The following SKI variants were observed in gnomAD, a reference collection of about 807,000 sequenced individuals.
The protein encoded by SKI is ski oncogene.
SKI carries 23 observed loss-of-function variants against 59.3 expected under a neutral mutation model. That is an observed-to-expected ratio of 0.39 (90% CI 0.28 to 0.55). The LOEUF is 0.55. Among genes scored for constraint, SKI ranks in the 20% least tolerant of loss-of-function variants. SKI has a pLI of 0.67. For missense variants in SKI, 1,017 were observed against 1,038.9 expected (o/e 0.98, Z 0.29); for synonymous variants, 673 against 488.6 (o/e 1.38, Z -4.98).
At position 2,268,242 on chromosome 1, in the gene SKI, G is replaced by A. The variant is rs527323447; in HGVS notation, c.970-34736G>A. Among the ~76,000 whole-genome samples the A allele has an allele frequency of 6.6e-6, 1 of 152,288 alleles. No homozygotes were observed. The highest frequency in any genetic ancestry group is 2.4e-5 in the African/African-American group (1 of 41,568). ...GCGTCGCCTCCCTGCTGCTCCTACT[G>A]TGTGCTTTCTTGCCCCTCCAGTGCC... is the stretch of plus-strand genomic sequence containing the variant. On this transcript the variant is annotated intron_variant, in intron 1 of 6. Coordinates refer to ENST00000378536, the MANE Select transcript of SKI (RefSeq NM_003036.4). This position sits in a 1 kb window ranked among gnomAD's most constrained non-coding sequence, Gnocchi z 5.0.
In SKI at chr1:2,293,757, G is replaced by A. The variant is rs975105736; in HGVS notation, c.970-9221G>A. On this transcript the variant is annotated intron_variant, in intron 1 of 6. Coordinates refer to ENST00000378536, the MANE Select transcript of SKI (RefSeq NM_003036.4). ...CCCCTGGGTCTGGTGGCTGCTGCCC[G>A]GCCTCTGGGACCGTCTACCTGTCCC... Among the ~76,000 whole-genome samples, 8 of 152,174 alleles carry A rather than the reference G, an allele frequency of 5.3e-5. No individual in the cohort carries two copies. In the East Asian group the frequency reaches 1.2e-3, roughly 22 times the overall value.
At chr1:2,300,644 C>G (rs1217657609) in intron 1 of SKI, among the ~76,000 whole-genome samples, 1 of 152,234 alleles carries the variant, frequency 6.6e-6, no homozygotes, top group Non-Finnish European at 1.5e-5. Context: ...GGCGCAGACA[C>G]CTTCTATTTT....
At chr1:2,294,880 C>T (rs181659791) in intron 1 of SKI, among the ~76,000 whole-genome samples, 16 of 152,340 alleles carry the variant, frequency 1.1e-4, no homozygotes, top group Non-Finnish European at 2.2e-4. Flanking sequence ...TTACTGCCAT[C>T]CCCTGTGCCT....
intron 1 of SKI, among the ~76,000 whole-genome samples, chr1:2,297,087 G>A (rs1241246762): frequency 1.3e-5 from 2 of 151,962 alleles, no homozygotes; most frequent in Non-Finnish European, 2.9e-5. Context: ...CTTGAAGAAT[G>A]TGGCAAGATG....
intron 1 of SKI, among the ~76,000 whole-genome samples, chr1:2,246,160 C>T (rs1441994040): frequency 1.3e-5 from 2 of 152,218 alleles, no homozygotes; most frequent in African/African-American, 2.4e-5. Flanking sequence ...CTCCCAGCAA[C>T]AGCGTTCGAG....
rs1421277194 is a variant in SKI at position 2,303,651 on chromosome 1, T to C, written c.1212-189T>C. ...GCTTCTTGATGTGTTGGCCTGTGTC[T>C]GGCCTTCGCAAGAGACCCAGCAAGC... On this transcript the variant is annotated intron_variant, in intron 3 of 6. Transcript: ENST00000378536. The surrounding 1 kb of genome is among the most constrained non-coding windows in gnomAD (Gnocchi z 5.6). The C allele has an allele frequency of 2.3e-5, 19 of 809,206 alleles. No individual in the cohort carries two copies. Among genetic ancestry groups the C allele is most frequent in the African/African-American group, 5.1e-5 (3 of 58,380 alleles). The allele number at this position is 809,206 out of a possible 1,614,324, so 50.1% of individuals were successfully genotyped here.
intron 1 of SKI, among the ~76,000 whole-genome samples, chr1:2,256,238 C>T (rs1414898220): frequency 6.6e-6 from 1 of 151,288 alleles, no homozygotes; most frequent in African/African-American, 2.4e-5. Context: ...CATTTCCTGT[C>T]TTGTGTCCTG....
chr1:2,260,265 C>T (rs756562956), intron 1 of SKI, among the ~76,000 whole-genome samples: 9 of 152,308 alleles, frequency 5.9e-5, no homozygotes, highest in Non-Finnish European at 1.2e-4. Context: ...TCGTTGAGAA[C>T]GTAGAGTGGC....
chr1:2,240,376 G>C lies in SKI; in HGVS notation c.969+10641G>C, dbSNP rs534341462. On this transcript the variant is annotated intron_variant, in intron 1 of 6. Coordinates refer to ENST00000378536, the MANE Select transcript of SKI (RefSeq NM_003036.4). ...CCTCCTAGCAGCCTCAAGAAATGTG[G>C]GCCAGGCAGGTCTGGCTACGGGCAG... 52 of 559,638 alleles carry C rather than the reference G, an allele frequency of 9.3e-5. No homozygotes were observed. The South Asian group carries it at 1.1e-3, about 12-fold the overall frequency. 34.7% of individuals were successfully genotyped at this position (559,638 alleles called of 1,614,324 possible). A position where few individuals can be genotyped will look rare whatever the true frequency, so the allele number is the denominator to read the frequency against.
At chr1:2,289,259 C>A (rs1365983236) in intron 1 of SKI, among the ~76,000 whole-genome samples, 1 of 152,194 alleles carries the variant, frequency 6.6e-6, no homozygotes, top group East Asian at 1.9e-4. Context: ...CCTGCCTCCT[C>A]TCTGTCAGGA....
chr1:2,278,344 G>A (rs970484173), intron 1 of SKI, among the ~76,000 whole-genome samples: 2 of 152,236 alleles, frequency 1.3e-5, no homozygotes, highest in African/African-American at 4.8e-5. Context: ...GTGAGACGCA[G>A]GAGCCCTGGG....
intron 1 of SKI, among the ~76,000 whole-genome samples, chr1:2,279,773 C>G (rs184296059): frequency 6.6e-6 from 1 of 152,102 alleles, no homozygotes; most frequent in Admixed American, 6.5e-5. Flanking sequence ...GGAGTGCAGT[C>G]GTGTGATTGG....
At chr1:2,240,674 T>C (rs1319727879) in intron 1 of SKI, 1 of 985,294 alleles carries the variant, frequency 1.0e-6, no homozygotes, top group Non-Finnish European at 1.2e-6. Context: ...GAAGTGAAGC[T>C]CTCTCTACTT....
In SKI at chr1:2,303,852, C is replaced by CA; in HGVS notation, c.1226dup (p.Ser410GlufsTer3). The CA allele has an allele frequency of 6.2e-7, 1 of 1,612,560 alleles. No individual in the cohort carries two copies. Among genetic ancestry groups the CA allele is most frequent in the Non-Finnish European group, 8.5e-7 (1 of 1,179,824 alleles). ...CCTGCCCCTCCAGCTTCTACTCCTACAAGAGCTTTGAGACAGCCGTGGCGC... is the reference window on the plus strand; with the variant it reads ...CCTGCCCCTCCAGCTTCTACTCCTACAAAGAGCTTTGAGACAGCCGTGGCGC... On this transcript the variant is annotated frameshift_variant, in exon 4 of 7. Coordinates refer to ENST00000378536, the MANE Select transcript of SKI (RefSeq NM_003036.4). LOFTEE classifies it high-confidence loss of function. This position sits in a 1 kb window ranked among gnomAD's most constrained non-coding sequence, Gnocchi z 5.6.
In SKI at chr1:2,306,729, T is replaced by C. The variant is rs1640596053; in HGVS notation, c.2151T>C (p.Ala717=). Residue 717 remains alanine, a synonymous_variant, in exon 7 of 7, where the codon GCT becomes GCC. Coordinates refer to ENST00000378536, the MANE Select transcript of SKI (RefSeq NM_003036.4). ...TGTGGCCGCGGGCCCGCCCCGAGGC[T>C]GCGGGCAGCGAGGGCGCTGCGGAGC... The part of the protein sequence containing the change: ...EQLWPRARPE[A]AGSEGAAELE... The C allele has an allele frequency of 1.3e-6, 2 of 1,532,314 alleles. No individual in the cohort carries two copies. The highest frequency in any genetic ancestry group is 2.8e-5 in the African/African-American group (2 of 71,092). 94.9% of individuals were successfully genotyped at this position (1,532,314 alleles called of 1,614,324 possible). A position where few individuals can be genotyped will look rare whatever the true frequency, so the allele number is the denominator to read the frequency against.
At chr1:2,233,025 C>T (rs911198272) in intron 1 of SKI, among the ~76,000 whole-genome samples, 8 of 152,160 alleles carry the variant, frequency 5.3e-5, no homozygotes, top group Non-Finnish European at 8.8e-5. Flanking sequence ...AGACAGCTGT[C>T]AGAGACGGAG....
rs1015312915 is a variant in SKI at position 2,306,224 on chromosome 1, C to G, written c.1972C>G (p.Arg658Gly). 1 of 1,560,468 alleles carries G rather than the reference C, an allele frequency of 6.4e-7. No individual in the cohort carries two copies. Residue 658 changes from arginine (R) to glycine (G), a missense_variant, in exon 6 of 7, where the codon CGC becomes GGC. By Grantham distance (125) the Arg-to-Gly change is moderately radical (BLOSUM62 -2). Transcript: ENST00000378536. ...RVCDKGCEAG[R>G]LRAKYSAQIE... ...GTGCGACAAGGGCTGCGAGGCGGGCCGCCTGCGCGCCAAGTACTCGGCCCA... is the reference window on the plus strand; with the variant it reads ...GTGCGACAAGGGCTGCGAGGCGGGCGGCCTGCGCGCCAAGTACTCGGCCCA...
intron 1 of SKI, among the ~76,000 whole-genome samples, chr1:2,287,607 G>A (rs1569822398): frequency 6.6e-6 from 1 of 152,204 alleles, no homozygotes; most frequent in East Asian, 1.9e-4. Flanking sequence ...TGGTAGGTGT[G>A]CTCTGCCTGT....
At chr1:2,301,625 C>A (rs1032172382) in intron 1 of SKI, among the ~76,000 whole-genome samples, 1 of 152,166 alleles carries the variant, frequency 6.6e-6, no homozygotes, top group African/African-American at 2.4e-5. Flanking sequence ...CCCATCTTCC[C>A]CCTAGGGAAG....
Sources: gnomAD v4.1 joint callset for allele counts (sites outside exome capture counted in the v4.1 genomes callset) on GRCh38, gnomAD v4.1.1 for gene constraint, Gnocchi (gnomAD v3.1) non-coding constraint, MANE v1.5 for transcripts, NCBI Gene and HGNC (gene_info 2026-07-23, HGNC 2026-07-21) for gene names.